Variants in DENND2D observed in about 807,000 individuals in gnomAD.
DENND2D encodes DENN domain-containing protein 2D.
In DENND2D, 37 loss-of-function variants were observed where a neutral mutation model predicts 59.8. The observed-to-expected ratio is 0.62, with a 90% CI of 0.48 to 0.81. The LOEUF (loss-of-function observed/expected upper bound fraction) is 0.81. Among genes scored for constraint, DENND2D ranks in the 40% least tolerant of loss-of-function variants. DENND2D has a pLI of 0.00. For synonymous variants in DENND2D, 219 were observed against 211.3 expected, an observed-to-expected ratio of 1.04 and a Z score of -0.31; for missense variants, 525 against 579.7, an observed-to-expected ratio of 0.91 and a Z score of 0.97.
chr1:111,194,725 A>C lies in DENND2D; in HGVS notation c.647T>G (p.Phe216Cys), dbSNP rs1381732262. Residue 216 changes from phenylalanine (F) to cysteine (C), a missense_variant and splice_region_variant, in exon 7 of 12, where the codon TTC becomes TGC. Coordinates refer to ENST00000357640, the MANE Select transcript of DENND2D (RefSeq NM_024901.5). Reference protein sequence around the residue: ...KSFIPDSGTEFISLTRPLDSH... With the variant: ...KSFIPDSGTECISLTRPLDSH... ...GTCCAGGGGCCGTGTCAGTGAAATG[A>C]ACTGTGGGGAAACCAGAGAGAGAGA... 6.2e-7 allele frequency: 1 copy of C among 1,613,866 alleles called. No homozygotes were observed. Among genetic ancestry groups the C allele is most frequent in the East Asian group, 2.2e-5 (1 of 44,876 alleles).
chr1:111,203,008 G>A (rs936448840), upstream of DENND2D, among the ~76,000 whole-genome samples: 51 of 152,196 alleles, frequency 3.4e-4, no homozygotes, highest in Non-Finnish European at 7.4e-4. Flanking sequence ...CCCAGGGTCT[G>A]GGAAGACCAG....
intron 7 of DENND2D, 103 bp downstream of exon 7, chr1:111,194,475 G>A (rs751164323): frequency 4.8e-5 from 63 of 1,323,620 alleles, no homozygotes; most frequent in Admixed American, 8.6e-5. Flanking sequence ...GAGGGTGGGC[G>A]CATGGACCCT....
Position 111,188,191 on chromosome 1 carries a change from T to C in DENND2D, c.1279A>G (p.Lys427Glu). ...TNRRFVKKFV[K>E]TQLFSLFIQE... ...ATGAAAAGTGAGAAGAGCTGTGTCT[T>C]CACAAACTTCTTCACAAATCGGCGG... Residue 427 changes from lysine (K) to glutamate (E), a missense_variant, in exon 11 of 12, where the codon AAG (lysine) becomes GAG (glutamate). Lys to Glu is a moderately conservative substitution (Grantham distance 56). Transcript: ENST00000357640. 6.2e-7 allele frequency: 1 copy of C among 1,614,194 alleles called. No homozygotes were observed.
At chr1:111,190,172 A>C (rs1285151736) in intron 8 of DENND2D, among the ~76,000 whole-genome samples, 1 of 149,966 alleles carries the variant, frequency 6.7e-6, no homozygotes, top group East Asian at 1.9e-4. Flanking sequence ...TCAAAAAAAA[A>C]AAAAAAAAAA....
chr1:111,199,441 T>C (rs1658578994), intron 2 of DENND2D, among the ~76,000 whole-genome samples, 182 bp downstream of exon 2: 1 of 152,118 alleles, frequency 6.6e-6, no homozygotes, highest in Non-Finnish European at 1.5e-5. Flanking sequence ...CTAGATTCTG[T>C]GGGTGATAAC....
upstream of DENND2D, among the ~76,000 whole-genome samples, chr1:111,201,755 A>G (rs1052201591): frequency 6.6e-6 from 1 of 152,208 alleles, no homozygotes; most frequent in Non-Finnish European, 1.5e-5. Flanking sequence ...TAGGATAGGG[A>G]AAACAGCTGC....
Position 111,187,511 on chromosome 1 carries a change from T to G in DENND2D, c.*94A>C. 1 of 987,988 alleles carries G rather than the reference T, an allele frequency of 1.0e-6. No homozygotes were observed. 61.2% of individuals were successfully genotyped at this position (987,988 alleles called of 1,614,324 possible). ...AGACTCAGAGTGAGGATATGGATTT[T>G]GGGAGCTGACAGTTTTGCTGATCCT... On this transcript the variant is annotated 3_prime_UTR_variant, in exon 12 of 12. Coordinates refer to ENST00000357640, the MANE Select transcript of DENND2D (RefSeq NM_024901.5).
chr1:111,190,031 G>A (rs3828097), intron 8 of DENND2D, among the ~76,000 whole-genome samples: 2,687 of 152,124 alleles, frequency 0.018, 213 homozygotes, highest in Admixed American at 0.13. Flanking sequence ...GGGTGTGGTG[G>A]CGGGCGCCTG....
chr1:111,197,248 G>T lies in DENND2D; in HGVS notation c.432C>A (p.Ala144=). Residue 144 remains alanine, a synonymous_variant, in exon 5 of 12, where the codon GCC becomes GCA. Transcript: ENST00000357640. ...CTTTGGGAAGGCGAGGGCCAGGGCC[G>T]GCAGGCTGGGGAGGGACAGAGAGGC... ...KIGYCRRLLP[A]GPGPRLPKVY... 6.2e-7 allele frequency: 1 copy of T among 1,612,300 alleles called. No individual in the cohort carries two copies. Among genetic ancestry groups the T allele is most frequent in the Non-Finnish European group, 8.5e-7 (1 of 1,179,486 alleles).
chr1:111,190,047 C>T (rs946426876), intron 8 of DENND2D, among the ~76,000 whole-genome samples: 3 of 151,750 alleles, frequency 2.0e-5, no homozygotes, highest in African/African-American at 7.3e-5. Flanking sequence ...GCCTGTAGTC[C>T]CAGCTACTCC....
chr1:111,198,603 T>A (rs745712904), intron 3 of DENND2D, 27 bp downstream of exon 3: 4 of 1,608,124 alleles, frequency 2.5e-6, no homozygotes, highest in Non-Finnish European at 3.4e-6. Context: ...CCAAATCCAA[T>A]ACCCTTGCCC....
rs72979803 is a variant in DENND2D at position 111,192,000 on chromosome 1, C to G, written c.972+140G>C. On this transcript the variant is annotated intron_variant, in intron 8 of 11. Coordinates refer to ENST00000357640, the MANE Select transcript of DENND2D (RefSeq NM_024901.5). ...TCCTTAGGAAGTGAACACTGTTATCCCCATTTTAGAGATGAGAAAGCTCAG... is the reference window on the plus strand; with the variant it reads ...TCCTTAGGAAGTGAACACTGTTATCGCCATTTTAGAGATGAGAAAGCTCAG... The G allele has an allele frequency of 2.4e-3, 1,954 of 828,290 alleles. 23 individuals carry two copies. The highest frequency in any genetic ancestry group is 0.017 in the African/African-American group (988 of 58,264). 51.3% of individuals were successfully genotyped at this position (828,290 alleles called of 1,614,324 possible). A position where few individuals can be genotyped will look rare whatever the true frequency, so the allele number is the denominator to read the frequency against.
intron 4 of DENND2D, chr1:111,197,555 T>C: frequency 7.3e-7 from 1 of 1,367,300 alleles, no homozygotes; most frequent in Non-Finnish European, 9.4e-7. Flanking sequence ...TAAAGGTGAC[T>C]TGGGGAATCC....
chr1:111,188,604 GGACTACT>G, intron 10 of DENND2D, 91 bp downstream of exon 10: 5 of 1,279,434 alleles, frequency 3.9e-6, no homozygotes, highest in Non-Finnish European at 5.6e-6. Context: ...GGCTGGTCTA[GGACTACT>G]GAATGAGTTC....
chr1:111,199,979 C>T, intron 1 of DENND2D, 181 bp from the exon 2 acceptor site: 1 of 715,342 alleles, frequency 1.4e-6, no homozygotes, highest in Non-Finnish European at 2.2e-6. Flanking sequence ...TCCACACCTG[C>T]CCTGGTAGAC....
chr1:111,200,804 AC>A (rs796079099), upstream of DENND2D: 4 of 925,682 alleles, frequency 4.3e-6, no homozygotes, highest in African/African-American at 5.2e-5. Flanking sequence ...AGGCCTGGCT[AC>A]TTATGGGCTA....
rs750694297 is a variant in DENND2D at position 111,195,874 on chromosome 1, C to T, written c.645+42G>A. 3.1e-6 allele frequency: 5 copies of T among 1,613,160 alleles called. No homozygotes were observed. In the South Asian group the frequency reaches 3.3e-5, roughly 11 times the overall value. On this transcript the variant is annotated intron_variant, in intron 6 of 11. Coordinates refer to ENST00000357640, the MANE Select transcript of DENND2D (RefSeq NM_024901.5). ...GGTGAGAGGTGCCACAGATGCCTAC[C>T]CTCTCCAGCTAGGGAAGGTCTCACC...
At chr1:111,193,251 G>C (rs569748953) in intron 7 of DENND2D, among the ~76,000 whole-genome samples, 8 of 152,176 alleles carry the variant, frequency 5.3e-5, no homozygotes, top group Non-Finnish European at 1.2e-4. Context: ...GAGGCTAGCT[G>C]ACTGGAAGTC....
chr1:111,189,992 G>A (rs1171695236), intron 8 of DENND2D, among the ~76,000 whole-genome samples: 5 of 151,998 alleles, frequency 3.3e-5, no homozygotes, highest in East Asian at 3.9e-4. Flanking sequence ...GTGAAACCCT[G>A]TCTCTACTAA....
Sources: allele counts gnomAD v4.1 joint callset (sites outside exome capture counted in the v4.1 genomes callset), GRCh38; gene constraint gnomAD v4.1.1; transcripts MANE v1.5; gene names NCBI Gene and HGNC (gene_info 2026-07-23, HGNC 2026-07-21).